ZNF37A: variants seen among roughly 807,000 people sequenced by gnomAD.
ZNF37A encodes the protein zinc finger protein 37A.
ZNF37A carries 10 observed loss-of-function variants against 12.3 expected under a neutral mutation model. The ratio of observed to expected loss-of-function variants is 0.82; its 90% CI spans 0.50 to 1.38. The LOEUF (loss-of-function observed/expected upper bound fraction) is 1.38, where lower values mean the gene tolerates loss of function less well. Ranked by LOEUF, ZNF37A falls within the 40% of genes most tolerant of loss-of-function variation. The pLI is 0.00. For synonymous variants in ZNF37A, 207 were observed against 223.0 expected (o/e 0.93, Z 0.64); for missense variants, 580 against 651.2 (o/e 0.89, Z 1.19).
At chr10:38,149,617 C>G (rs1369328765) in exon 8 of ZNF37A, 1 of 142,764 alleles carries the variant, frequency 7.0e-6, no homozygotes, top group Non-Finnish European at 1.5e-5. Context: ...CTCTGTCGCC[C>G]AGGCCAGAGA....
chr10:38,142,664 T>G (rs1340316312), intron 7 of ZNF37A: 2 of 152,200 alleles, frequency 1.3e-5, no homozygotes, highest in Non-Finnish European at 2.9e-5. Flanking sequence ...AGGTAATATT[T>G]TTTTAAATTC....
intron 5 of ZNF37A, among the ~76,000 whole-genome samples, chr10:38,114,448 T>C (rs1489727005): frequency 6.6e-6 from 1 of 152,204 alleles, no homozygotes; most frequent in Admixed American, 6.5e-5. Context: ...TGAGAAGATA[T>C]GTTCCTCTCT....
At chr10:38,098,147 T>A (rs1408018835) in intron 5 of ZNF37A, among the ~76,000 whole-genome samples, 1 of 152,244 alleles carries the variant, frequency 6.6e-6, no homozygotes, top group Non-Finnish European at 1.5e-5. Context: ...ATATCAGTAC[T>A]TTGTCCCTTT....
At position 38,120,886 on chromosome 10, in the gene ZNF37A, G is replaced by C. The variant is rs761635501; in HGVS notation, c.*2049G>C. The C allele has an allele frequency of 6.6e-6, 1 of 152,162 alleles. No homozygotes were observed. The highest frequency in any genetic ancestry group is 6.5e-5 in the Admixed American group (1 of 15,280). The allele number at this position is 152,162 out of a possible 1,614,324, so 9.4% of individuals were successfully genotyped here. A position where few individuals can be genotyped will look rare whatever the true frequency, so the allele number is the denominator to read the frequency against. ...AGATAATAAGTAGGATTTTTGTTTT[G>C]TTTTGCATTTTGCAGTACAAAGGAG... On this transcript the variant is annotated 3_prime_UTR_variant, in exon 8 of 8. Coordinates refer to ENST00000685332, the MANE Select transcript of ZNF37A (RefSeq NM_001324250.3).
In ZNF37A at chr10:38,095,630, G is replaced by A. The variant is rs1439934986; in HGVS notation, c.-106+1G>A. The A allele has an allele frequency of 6.6e-6, 1 of 152,180 alleles. No homozygotes were observed. The highest frequency in any genetic ancestry group is 1.5e-5 in the Non-Finnish European group (1 of 68,060). 9.4% of individuals were successfully genotyped at this position (152,180 alleles called of 1,614,324 possible). ...AATCAGAGGTACAGCCGCGAGAAAGGTCTGTAAGTTATCTATTTACGCTTT... is the reference window on the plus strand; with the variant it reads ...AATCAGAGGTACAGCCGCGAGAAAGATCTGTAAGTTATCTATTTACGCTTT... On this transcript the variant is annotated splice_donor_variant, in intron 3 of 7. Transcript: ENST00000685332. LOFTEE classifies it low-confidence loss of function (5UTR_SPLICE).
chr10:38,110,668 G>A (rs1252267615), intron 5 of ZNF37A, among the ~76,000 whole-genome samples: 1 of 152,090 alleles, frequency 6.6e-6, no homozygotes, highest in Non-Finnish European at 1.5e-5. Flanking sequence ...AAAAGTGGGT[G>A]AAGGAAATGA....
intron 5 of ZNF37A, among the ~76,000 whole-genome samples, chr10:38,112,753 T>TCGGTGTCGG (rs1244745793): frequency 1.6e-5 from 1 of 63,846 alleles, no homozygotes; most frequent in Non-Finnish European, 3.4e-5. Context: ...TTCTTTTCTT[T>TCGGTGTCGG]TCTTTTCTTT....
At chr10:38,129,954 T>C (rs2474586), downstream of ZNF37A, among the ~76,000 whole-genome samples, 62,543 of 152,020 alleles carry the variant, frequency 0.41, 13,061 homozygotes, top group East Asian at 0.5. Context: ...ATTCACAATG[T>C]TATATAACCA....
intron 5 of ZNF37A, among the ~76,000 whole-genome samples, chr10:38,106,255 T>A (rs2068076595): frequency 6.6e-6 from 1 of 152,184 alleles, no homozygotes; most frequent in Non-Finnish European, 1.5e-5. Context: ...CAGAGGGGCC[T>A]GACTATTAGA....
At chr10:38,107,630 A>T (rs531716630) in intron 5 of ZNF37A, among the ~76,000 whole-genome samples, 2 of 152,352 alleles carry the variant, frequency 1.3e-5, no homozygotes, top group South Asian at 4.1e-4. Flanking sequence ...GCAAAGACAC[A>T]CATAGGCTCA....
intron 7 of ZNF37A, chr10:38,139,182 A>C (rs902444089): frequency 6.6e-6 from 1 of 152,084 alleles, no homozygotes; most frequent in Non-Finnish European, 1.5e-5. Flanking sequence ...CTAGTCTTAG[A>C]GGTTTCCATT....
downstream of ZNF37A, among the ~76,000 whole-genome samples, chr10:38,129,303 C>CT: frequency 2.4e-5 from 1 of 40,928 alleles, no homozygotes; most frequent in African/African-American, 9.6e-5. Context: ...AAGACTCTGT[C>CT]TAAAAAAAAA....
chr10:38,096,270 A>G (rs912799752), intron 4 of ZNF37A, among the ~76,000 whole-genome samples: 4 of 152,198 alleles, frequency 2.6e-5, no homozygotes, highest in South Asian at 2.1e-4. Flanking sequence ...TTAAAACCTG[A>G]GTATTTTTGT....
At chr10:38,146,006 A>C (rs1391756406) in intron 7 of ZNF37A, among the ~76,000 whole-genome samples, 1 of 152,218 alleles carries the variant, frequency 6.6e-6, no homozygotes, top group East Asian at 1.9e-4. Flanking sequence ...AGGCTGAGGC[A>C]GGAGAATCAC....
chr10:38,114,640 A>T (rs2136004810), intron 5 of ZNF37A, 115 bp from the exon 6 acceptor site: 3 of 1,360,764 alleles, frequency 2.2e-6, no homozygotes, highest in Non-Finnish European at 3.1e-6. Flanking sequence ...GGCCCTTTAT[A>T]ACAGTTTCTA....
intron 5 of ZNF37A, among the ~76,000 whole-genome samples, chr10:38,111,315 C>T (rs1259509720): frequency 6.6e-6 from 1 of 151,676 alleles, no homozygotes; most frequent in African/African-American, 2.4e-5. Context: ...GGGAACATCT[C>T]ATACCAGGGC....
rs563203165 is a variant in ZNF37A at position 38,138,519 on chromosome 10, A to G, written c.239-8213A>G. On this transcript the variant is annotated intron_variant, in intron 7 of 7. Transcript: ENST00000638053. Reference sequence around the variant, plus strand: ...CCTAGAAAATCGGGAAACTTATGAAACAAGCTTTACATATGTATATGCATA... The same window carrying G: ...CCTAGAAAATCGGGAAACTTATGAAGCAAGCTTTACATATGTATATGCATA... The G allele has an allele frequency of 2.0e-5, 3 of 152,316 alleles. No homozygotes were observed. In the South Asian group the frequency reaches 6.2e-4, roughly 32 times the overall value. 9.4% of individuals were successfully genotyped at this position (152,316 alleles called of 1,614,324 possible).
At chr10:38,129,115 C>T (rs2136073896), downstream of ZNF37A, among the ~76,000 whole-genome samples, 2 of 151,870 alleles carry the variant, frequency 1.3e-5, no homozygotes, top group African/African-American at 4.8e-5. Context: ...AGTGTAGAAA[C>T]TCAACTTACA....
downstream of ZNF37A, among the ~76,000 whole-genome samples, chr10:38,129,489 T>C (rs192560222): frequency 2.6e-4 from 39 of 152,186 alleles, no homozygotes; most frequent in African/African-American, 7.7e-4. Flanking sequence ...GTGTACTCAA[T>C]GTTTAGCTTT....
Sources: gnomAD v4.1 joint callset for allele counts (sites outside exome capture counted in the v4.1 genomes callset) on GRCh38, gnomAD v4.1.1 for gene constraint, MANE v1.5 for transcripts, NCBI Gene and HGNC (gene_info 2026-07-23, HGNC 2026-07-21) for gene names.